The following DHX57 variants were observed in gnomAD, a reference collection of about 807,000 sequenced individuals.
DHX57 encodes DExH-box helicase 57.
In DHX57, 105 loss-of-function variants were observed where a neutral mutation model predicts 156.2. That is an observed-to-expected ratio of 0.67 (90% CI 0.57 to 0.79). The LOEUF is 0.79. Among genes scored for constraint, DHX57 ranks in the 30% least tolerant of loss-of-function variants. The probability of loss-of-function intolerance (pLI) is 0.00; values close to 1 mark genes in which losing one functional copy is unlikely to be tolerated. For missense variants in DHX57, 1,847 were observed against 1,661.9 expected, an observed-to-expected ratio of 1.11 and a Z score of -1.94; for synonymous variants, 704 against 595.6, an observed-to-expected ratio of 1.18 and a Z score of -2.65.
chr2:38,847,480 C>G (rs886490008), intron 10 of DHX57, among the ~76,000 whole-genome samples: 1 of 152,166 alleles, frequency 6.6e-6, no homozygotes, highest in African/African-American at 2.4e-5. Flanking sequence ...TTTTATCAGT[C>G]AGTGTTTCCA....
rs1007440481 is a variant in DHX57, at chr2:38,847,175, C to G, written c.2165-102G>C. On this transcript the variant is annotated intron_variant, in intron 10 of 23. Coordinates refer to ENST00000457308, the MANE Select transcript of DHX57 (RefSeq NM_198963.3). ...ATTCTCTTAAAGCTTGTCATGCTAA[C>G]GTCCTATTTGTTCTGTGGTCTTAAA... The G allele has an allele frequency of 6.5e-6, 6 of 922,738 alleles. No homozygotes were observed. In the African/African-American group the frequency reaches 6.8e-5, roughly 10 times the overall value. 57.2% of individuals were successfully genotyped at this position (922,738 alleles called of 1,614,324 possible).
chr2:38,813,034 T>C (rs2148543078), intron 21 of DHX57, among the ~76,000 whole-genome samples: 1 of 151,950 alleles, frequency 6.6e-6, no homozygotes, highest in South Asian at 2.1e-4. Flanking sequence ...TTTTAGTAGA[T>C]ACAGGGTTTC....
intron 21 of DHX57, chr2:38,810,689 G>T (rs1670198240): frequency 4.2e-6 from 3 of 709,234 alleles, no homozygotes; most frequent in Non-Finnish European, 7.7e-6. Flanking sequence ...AAGTCACACT[G>T]AGGGTTGTGC....
chr2:38,811,021 G>A (rs1558357076), intron 21 of DHX57: 4 of 709,734 alleles, frequency 5.6e-6, no homozygotes, highest in Non-Finnish European at 1.0e-5. Flanking sequence ...TGTTGGGGGT[G>A]TTGGGGGCTT....
rs1219668393 is a variant in DHX57 at position 38,819,150 on chromosome 2, G to A, written c.3292-6C>T. On this transcript the variant is annotated splice_region_variant and splice_polypyrimidine_tract_variant and intron_variant, in intron 17 of 23. Transcript: ENST00000457308. ...TTTTTATCCCAGGGAGATACCTAAA[G>A]GAGAGAGGAAAATCAGATTTAAAGA... The A allele has an allele frequency of 6.2e-7, 1 of 1,610,966 alleles. No homozygotes were observed. Among genetic ancestry groups the A allele is most frequent in the Non-Finnish European group, 8.5e-7 (1 of 1,179,182 alleles).
At chr2:38,849,874 C>T (rs1306042961) in intron 9 of DHX57, among the ~76,000 whole-genome samples, 1 of 152,156 alleles carries the variant, frequency 6.6e-6, no homozygotes, top group East Asian at 1.9e-4. Context: ...CCTTGGCTAC[C>T]TTATTTAAAA....
At chr2:38,852,841 T>C (rs890512398) in intron 9 of DHX57, among the ~76,000 whole-genome samples, 1 of 152,098 alleles carries the variant, frequency 6.6e-6, no homozygotes, top group Non-Finnish European at 1.5e-5. Flanking sequence ...AAAATCCACA[T>C]GCTTTATTAT....
At chr2:38,810,758 G>C (rs368576819) in intron 21 of DHX57, 2 of 828,596 alleles carry the variant, frequency 2.4e-6, no homozygotes. Flanking sequence ...TTGATTTTGC[G>C]CACTTCCTGT....
intron 2 of DHX57, 126 bp downstream of exon 2, chr2:38,868,044 CTTCAGAAAAGGG>C: frequency 9.0e-7 from 1 of 1,111,416 alleles, no homozygotes; most frequent in Non-Finnish European, 1.3e-6. Flanking sequence ...CCCATCATGT[CTTCAGAAAAGGG>C]TTACAAAGAG....
chr2:38,812,565 C>G (rs1670304476), intron 21 of DHX57, among the ~76,000 whole-genome samples: 1 of 152,202 alleles, frequency 6.6e-6, no homozygotes, highest in Non-Finnish European at 1.5e-5. Context: ...CGGAGTTTCG[C>G]TCTAGTCGCC....
intron 7 of DHX57, 52 bp downstream of exon 7, chr2:38,856,288 T>C: frequency 6.4e-7 from 1 of 1,573,998 alleles, no homozygotes; most frequent in Non-Finnish European, 8.6e-7. Flanking sequence ...GTAACCAGGG[T>C]GCATATAATA....
chr2:38,810,066 G>A (rs1051664285), intron 21 of DHX57, among the ~76,000 whole-genome samples: 4 of 151,450 alleles, frequency 2.6e-5, no homozygotes, highest in African/African-American at 9.7e-5. Context: ...GCTAATTTTT[G>A]TATTTTTTAG....
In DHX57 at chr2:38,815,772, T is replaced by A. The variant is rs540243608; in HGVS notation, c.3472-117A>T. ...TCAGGGGGTAGCAATGAGGCTCAAG[T>A]GGATTCATTCCTCAGGTATGAAGAG... On this transcript the variant is annotated intron_variant, in intron 19 of 23. Transcript: ENST00000457308. The A allele has an allele frequency of 4.8e-6, 6 of 1,259,204 alleles. No individual in the cohort carries two copies. In the South Asian group the frequency reaches 8.4e-5, roughly 18 times the overall value. The allele number at this position is 1,259,204 out of a possible 1,614,324, so 78.0% of individuals were successfully genotyped here. A position where few individuals can be genotyped will look rare whatever the true frequency, so the allele number is the denominator to read the frequency against.
intron 9 of DHX57, among the ~76,000 whole-genome samples, chr2:38,851,860 A>G (rs371851234): frequency 6.6e-5 from 10 of 152,262 alleles, no homozygotes; most frequent in African/African-American, 2.2e-4. Flanking sequence ...AAGTTGTTCA[A>G]TGATTTTGTT....
chr2:38,809,412 C>A (rs1670121386), intron 21 of DHX57, among the ~76,000 whole-genome samples: 1 of 151,816 alleles, frequency 6.6e-6, no homozygotes, highest in African/African-American at 2.4e-5. Flanking sequence ...TATGCCCAGC[C>A]CAGTTTTGCC....
At chr2:38,875,209 C>G (rs2124961555) in intron 1 of DHX57, among the ~76,000 whole-genome samples, 1 of 152,336 alleles carries the variant, frequency 6.6e-6, no homozygotes, top group African/African-American at 2.4e-5. Context: ...ATTCCACTAT[C>G]TATTCCATCT....
chr2:38,861,141 C>G lies in DHX57; in HGVS notation c.1269G>C (p.Lys423Asn), dbSNP rs763417701. 1.4e-5 allele frequency: 23 copies of G among 1,614,168 alleles called. No individual in the cohort carries two copies. The highest frequency in any genetic ancestry group is 1.9e-5 in the Non-Finnish European group (23 of 1,180,022). Residue 423 changes from lysine to asparagine, a missense_variant, in exon 5 of 24, where the codon AAG (lysine) becomes AAC (asparagine). Transcript: ENST00000457308. ...TLLEEESEIV[K>N]LLTNTHHKYS... ...ACTTGTGGTGGGTATTCGTTAGTAA[C>G]TTGACTATTTCCGACTCTTCCTCTA...
At chr2:38,849,847 T>C (rs1672490444) in intron 9 of DHX57, among the ~76,000 whole-genome samples, 1 of 152,222 alleles carries the variant, frequency 6.6e-6, no homozygotes, top group African/African-American at 2.4e-5. Context: ...CCAAAGATAG[T>C]TTTTCAGTGA....
At chr2:38,816,548 C>A (rs1353914718) in intron 19 of DHX57, among the ~76,000 whole-genome samples, 1 of 152,126 alleles carries the variant, frequency 6.6e-6, no homozygotes, top group Non-Finnish European at 1.5e-5. Context: ...CTTTTAGTGG[C>A]TGAGCACAAA....
Sources: gnomAD v4.1 joint callset for allele counts (sites outside exome capture counted in the v4.1 genomes callset) on GRCh38, gnomAD v4.1.1 for gene constraint, MANE v1.5 for transcripts, NCBI Gene and HGNC (gene_info 2026-07-23, HGNC 2026-07-21) for gene names.